Variants in AGMO observed in about 807,000 individuals in gnomAD.
The protein encoded by AGMO is alkylglycerol monooxygenase, also known as glyceryl-ether monooxygenase.
In AGMO, 75 loss-of-function variants were observed where a neutral mutation model predicts 60.2. The observed-to-expected ratio is 1.25, with a 90% CI of 1.03 to 1.51. AGMO has a LOEUF of 1.51. Among genes scored for constraint, AGMO ranks in the 40% most tolerant of loss-of-function variants. The pLI, the probability that AGMO is intolerant of heterozygous loss-of-function variation, is 0.00. For synonymous variants in AGMO, 261 were observed against 177.1 expected (o/e 1.47, Z -3.76); for missense variants, 763 against 525.5 (o/e 1.45, Z -4.42).
At chr7:15,328,081 A>G (rs762820177) in intron 12 of AGMO, among the ~76,000 whole-genome samples, 33 of 151,200 alleles carry the variant, frequency 2.2e-4, no homozygotes, top group Non-Finnish European at 4.0e-4. Context: ...TGGTCAATAC[A>G]CTGAGTCCTT....
At chr7:15,385,708 G>A in intron 9 of AGMO, 146 bp from the exon 10 acceptor site, 1 of 639,344 alleles carries the variant, frequency 1.6e-6, no homozygotes, top group East Asian at 2.8e-5. Context: ...ACATGTCTAA[G>A]TTAGGAGACT....
the AGMO span, among the ~76,000 whole-genome samples, chr7:15,140,992 A>C: frequency 6.6e-6 from 1 of 152,168 alleles, no homozygotes; most frequent in Non-Finnish European, 1.5e-5. Flanking sequence ...GACCTTTCAG[A>C]GTAAATGTGC....
intron 3 of AGMO, among the ~76,000 whole-genome samples, chr7:15,513,280 T>A (rs912458695): frequency 1.0e-5 from 1 of 100,346 alleles, no homozygotes; most frequent in African/African-American, 4.1e-5. Context: ...ATCAGATACC[T>A]ATAGCACAAC....
At chr7:15,142,020 A>G in the AGMO span, among the ~76,000 whole-genome samples, 1 of 152,122 alleles carries the variant, frequency 6.6e-6, no homozygotes, top group African/African-American at 2.4e-5. Flanking sequence ...TAATTCTCAG[A>G]GTCAAACTGC....
chr7:15,190,401 CAG>C, the AGMO span, among the ~76,000 whole-genome samples: 28 of 151,640 alleles, frequency 1.8e-4, no homozygotes, highest in Non-Finnish European at 8.8e-5. Context: ...TATAAGCACA[CAG>C]AGAGTAAAGT....
intron 12 of AGMO, among the ~76,000 whole-genome samples, chr7:15,210,701 T>C (rs189456662): frequency 4.6e-5 from 7 of 152,230 alleles, no homozygotes; most frequent in Middle Eastern, 3.4e-3. Context: ...AGATTCTTAT[T>C]ATTTTTATCC....
Position 15,486,707 on chromosome 7 carries a change from C to T in AGMO, c.410-55599G>A, listed in dbSNP as rs186535837. On this transcript the variant is annotated intron_variant, in intron 3 of 12. Transcript: ENST00000342526. ...CATGGCAAATAAAAATAACAATGTT[C>T]GCTTTAGATTTCTAAGAATATACTT... 8.5e-5 allele frequency among the ~76,000 whole-genome samples: 13 copies of T among 152,122 alleles called. No individual in the cohort carries two copies. In the South Asian group the frequency reaches 1.0e-3, roughly 12 times the overall value.
chr7:15,198,248 AGAGAGAGACAGAGACAGAGAGAGAGT>A (rs1359086669), downstream of AGMO, among the ~76,000 whole-genome samples: 1,015 of 82,268 alleles, frequency 0.012, 55 homozygotes, highest in South Asian at 0.02. Flanking sequence ...AGAGAGAGAG[AGAGAGAGACAGAGACAGAGAGAGAGT>A]GTGTTAAAGT....
chr7:15,513,985 T>A (rs185607678), intron 3 of AGMO, among the ~76,000 whole-genome samples: 12 of 152,224 alleles, frequency 7.9e-5, no homozygotes, highest in Non-Finnish European at 1.6e-4. Context: ...ACTTTTGGAG[T>A]GTCTTCTTCC....
chr7:15,366,714 T>A (rs923930062), intron 10 of AGMO, among the ~76,000 whole-genome samples: 1 of 152,056 alleles, frequency 6.6e-6, no homozygotes, highest in African/African-American at 2.4e-5. Context: ...CATATTTGAT[T>A]CAATCTACAT....
intron 5 of AGMO, among the ~76,000 whole-genome samples, chr7:15,406,684 ATATATATGGAATATACATATATATGTG>A (rs1784706886): frequency 3.4e-5 from 2 of 59,022 alleles, no homozygotes; most frequent in Non-Finnish European, 6.5e-5. Flanking sequence ...ATATATGTGT[ATATATATGGAATATACATATATATGTG>A]TATATATATG....
At chr7:15,512,916 ATC>A (rs751946043) in intron 3 of AGMO, among the ~76,000 whole-genome samples, 1 of 151,920 alleles carries the variant, frequency 6.6e-6, no homozygotes, top group Non-Finnish European at 1.5e-5. Flanking sequence ...CTGCTTTATA[ATC>A]TGTTATCAGA....
intron 12 of AGMO, among the ~76,000 whole-genome samples, chr7:15,272,368 G>GAAC (rs1783641798): frequency 6.8e-6 from 1 of 147,538 alleles, no homozygotes; most frequent in Admixed American, 7.0e-5. Context: ...CTATGAGTGA[G>GAAC]AACATGCGGT....
At chr7:15,554,024 T>C (rs949504655) in intron 2 of AGMO, among the ~76,000 whole-genome samples, 1 of 152,132 alleles carries the variant, frequency 6.6e-6, no homozygotes, top group Non-Finnish European at 1.5e-5. Flanking sequence ...TTATTACATA[T>C]GTGAAACAAT....
the AGMO span, among the ~76,000 whole-genome samples, chr7:15,172,864 A>G: frequency 6.6e-6 from 1 of 152,172 alleles, no homozygotes; most frequent in African/African-American, 2.4e-5. Flanking sequence ...CCTCATTTTC[A>G]TTCATACACA....
intron 10 of AGMO, among the ~76,000 whole-genome samples, chr7:15,384,690 TG>T (rs1355732917): frequency 1.3e-5 from 2 of 152,164 alleles, no homozygotes; most frequent in Non-Finnish European, 2.9e-5. Flanking sequence ...TAAACTCACC[TG>T]TGATTCTATT....
At chr7:15,184,345 A>AGGAG in the AGMO span, among the ~76,000 whole-genome samples, 1 of 56,440 alleles carries the variant, frequency 1.8e-5, no homozygotes, top group Non-Finnish European at 3.2e-5. Flanking sequence ...AAGGAAGGAA[A>AGGAG]GAAGGGAGGG....
the AGMO span, among the ~76,000 whole-genome samples, chr7:15,180,885 G>A: frequency 1.3e-5 from 2 of 152,166 alleles, no homozygotes; most frequent in Non-Finnish European, 2.9e-5. Context: ...CAGGGCACCA[G>A]CATCTGGCAA....
intron 12 of AGMO, among the ~76,000 whole-genome samples, chr7:15,234,943 T>C (rs1782372977): frequency 6.6e-6 from 1 of 152,170 alleles, no homozygotes; most frequent in Admixed American, 6.5e-5. Context: ...GGTCTCTCCC[T>C]ACTTTTTCCG....
Sources: gnomAD v4.1 joint callset for allele counts (sites outside exome capture counted in the v4.1 genomes callset) on GRCh38, gnomAD v4.1.1 for gene constraint, MANE v1.5 for transcripts, NCBI Gene and HGNC (gene_info 2026-07-23, HGNC 2026-07-21) for gene names.